The following PCOLCE2 variants were observed in gnomAD, a reference collection of about 807,000 sequenced individuals.
PCOLCE2 encodes procollagen C-proteinase enhancer 2.
In PCOLCE2, 42 loss-of-function variants were observed where a neutral mutation model predicts 47.0. The ratio of observed to expected loss-of-function variants is 0.89; its 90% CI spans 0.70 to 1.16. The LOEUF (loss-of-function observed/expected upper bound fraction) is 1.16, where lower values mean the gene tolerates loss of function less well. Among genes scored for constraint, PCOLCE2 ranks in the 50% most tolerant of loss-of-function variants. PCOLCE2 has a pLI of 0.00. For missense variants in PCOLCE2, 500 were observed against 526.1 expected (o/e 0.95, Z 0.49); for synonymous variants, 169 against 191.7 (o/e 0.88, Z 0.98).
At chr3:142,840,008 G>A (rs1937249041) in intron 4 of PCOLCE2, among the ~76,000 whole-genome samples, 1 of 152,208 alleles carries the variant, frequency 6.6e-6, no homozygotes, top group South Asian at 2.1e-4. Flanking sequence ...GGTGAGCTGA[G>A]TGGATAGAGT....
intron 2 of PCOLCE2, among the ~76,000 whole-genome samples, chr3:142,854,809 C>A (rs1264765839): frequency 1.3e-5 from 2 of 152,176 alleles, no homozygotes; most frequent in South Asian, 2.1e-4. Flanking sequence ...TTTTTCTATG[C>A]ACTATATACG....
chr3:142,821,878 T>C lies in PCOLCE2; in HGVS notation c.950-833A>G, dbSNP rs537549752. Among the ~76,000 whole-genome samples, 8 of 152,218 alleles carry C rather than the reference T, an allele frequency of 5.3e-5. No homozygotes were observed. In the South Asian group the frequency reaches 1.5e-3, roughly 28 times the overall value. ...TGGGGGCTTGAGCAAGGACAGTTCC[T>C]TGTGGTGTAGGACTTGCACTGAATA... On this transcript the variant is annotated intron_variant, in intron 7 of 8. Coordinates refer to ENST00000295992, the MANE Select transcript of PCOLCE2 (RefSeq NM_013363.4).
intron 2 of PCOLCE2, among the ~76,000 whole-genome samples, chr3:142,864,817 T>C (rs1367752350): frequency 6.6e-6 from 1 of 152,252 alleles, no homozygotes; most frequent in East Asian, 1.9e-4. Context: ...CTGAGGTCCA[T>C]GTAGCATGAA....
intron 2 of PCOLCE2, among the ~76,000 whole-genome samples, chr3:142,850,640 T>G (rs986148987): frequency 6.6e-6 from 1 of 152,208 alleles, no homozygotes; most frequent in Non-Finnish European, 1.5e-5. Flanking sequence ...CACAGAAGTT[T>G]AGCAACCAGA....
At chr3:142,824,381 C>T (rs1937050422) in intron 6 of PCOLCE2, among the ~76,000 whole-genome samples, 1 of 152,144 alleles carries the variant, frequency 6.6e-6, no homozygotes, top group Non-Finnish European at 1.5e-5. Context: ...CCCCGCAACA[C>T]AGAAGGATCT....
chr3:142,885,459 C>A (rs563415269), intron 2 of PCOLCE2, among the ~76,000 whole-genome samples: 1 of 152,332 alleles, frequency 6.6e-6, no homozygotes, highest in South Asian at 2.1e-4. Context: ...CTGGACCAAC[C>A]AGCGTGGGAA....
intron 1 of PCOLCE2, among the ~76,000 whole-genome samples, chr3:142,888,127 T>C (rs892942453): frequency 1.3e-5 from 2 of 152,164 alleles, no homozygotes; most frequent in Non-Finnish European, 2.9e-5. Context: ...ATGAGAAGCA[T>C]GGTTTTAAAG....
At position 142,888,873 on chromosome 3, in the gene PCOLCE2, C is replaced by T. The variant is rs371874554; in HGVS notation, c.24G>A (p.Ala8=). The change falls in exon 1 of 9, where the codon GCG becomes GCA. Residue 8 remains alanine (A), a synonymous_variant. Coordinates refer to ENST00000295992, the MANE Select transcript of PCOLCE2 (RefSeq NM_013363.4). MRGANAW[A]PLCLLLAAAT... ...CGGCAGCCAGCAGCAGGCAGAGTGG[C>T]GCCCAGGCGTTCGCGCCCCTCATGG... The T allele has an allele frequency of 8.7e-5, 134 of 1,537,932 alleles. No individual in the cohort carries two copies. In the African/African-American group the frequency reaches 1.7e-3, roughly 20 times the overall value.
chr3:142,845,720 T>A (rs1937319974), intron 3 of PCOLCE2, among the ~76,000 whole-genome samples: 1 of 152,182 alleles, frequency 6.6e-6, no homozygotes, highest in South Asian at 2.1e-4. Context: ...ACACCTGTAA[T>A]CCTAACACTT....
At chr3:142,865,811 G>A (rs889902108) in intron 2 of PCOLCE2, among the ~76,000 whole-genome samples, 1 of 152,188 alleles carries the variant, frequency 6.6e-6, no homozygotes, top group Non-Finnish European at 1.5e-5. Context: ...TGGATAGGAA[G>A]CAAGGAAATG....
At chr3:142,848,555 A>G (rs896870561) in intron 2 of PCOLCE2, 83 bp from the exon 3 acceptor site, 2 of 1,195,894 alleles carry the variant, frequency 1.7e-6, no homozygotes, top group Non-Finnish European at 1.2e-6. Flanking sequence ...TTAAGTGTGT[A>G]AAGTATAATA....
chr3:142,852,056 G>A (rs1042776095), intron 2 of PCOLCE2, among the ~76,000 whole-genome samples: 17 of 152,148 alleles, frequency 1.1e-4, no homozygotes, highest in Non-Finnish European at 1.9e-4. Flanking sequence ...ATGCTGACCC[G>A]AACAACCCCG....
intron 2 of PCOLCE2, among the ~76,000 whole-genome samples, chr3:142,854,144 T>C (rs1188084948): frequency 6.6e-6 from 1 of 152,234 alleles, no homozygotes; most frequent in Non-Finnish European, 1.5e-5. Flanking sequence ...CCTTTGTGTC[T>C]GCAGCTTTTC....
At chr3:142,849,140 G>A (rs1228198742) in intron 2 of PCOLCE2, among the ~76,000 whole-genome samples, 1 of 133,642 alleles carries the variant, frequency 7.5e-6, no homozygotes, top group Non-Finnish European at 1.6e-5. Context: ...GTGACAGAGC[G>A]AGACTCCACC....
intron 7 of PCOLCE2, among the ~76,000 whole-genome samples, chr3:142,821,641 C>T (rs776848056): frequency 3.9e-5 from 6 of 152,110 alleles, no homozygotes; most frequent in Non-Finnish European, 7.4e-5. Context: ...CTTATCCACT[C>T]CGTTTATTTC....
rs542172491 is a variant in PCOLCE2, at chr3:142,831,674, A to C, written c.711-1828T>G. 3.3e-5 allele frequency among the ~76,000 whole-genome samples: 5 copies of C among 152,336 alleles called. No homozygotes were observed. In the East Asian group the frequency reaches 9.6e-4, roughly 29 times the overall value. ...ACAATTCTAACCTACAATTACAAAT[A>C]AAACATGTTAATTTTGTTTAAATGA... is the stretch of plus-strand genomic sequence containing the variant. On this transcript the variant is annotated intron_variant, in intron 5 of 8. Coordinates refer to ENST00000295992, the MANE Select transcript of PCOLCE2 (RefSeq NM_013363.4).
At chr3:142,871,812 T>C (rs1933390037) in intron 2 of PCOLCE2, among the ~76,000 whole-genome samples, 1 of 152,200 alleles carries the variant, frequency 6.6e-6, no homozygotes, top group Non-Finnish European at 1.5e-5. Context: ...TGTATAGATA[T>C]TCAATACACA....
chr3:142,861,615 C>T (rs1266244965), intron 2 of PCOLCE2, among the ~76,000 whole-genome samples: 2 of 152,048 alleles, frequency 1.3e-5, no homozygotes, highest in African/African-American at 2.4e-5. Flanking sequence ...TCCCTGAGGA[C>T]GATAATGATT....
At chr3:142,857,222 A>G (rs1453758490) in intron 2 of PCOLCE2, among the ~76,000 whole-genome samples, 1 of 152,254 alleles carries the variant, frequency 6.6e-6, no homozygotes, top group Non-Finnish European at 1.5e-5. Context: ...GAGCAGCAGC[A>G]GCAAATGCTT....
Sources: gnomAD v4.1 joint callset for allele counts (sites outside exome capture counted in the v4.1 genomes callset) on GRCh38, gnomAD v4.1.1 for gene constraint, MANE v1.5 for transcripts, NCBI Gene and HGNC (gene_info 2026-07-23, HGNC 2026-07-21) for gene names.